Variants in C19orf18 observed in about 807,000 individuals in gnomAD.
The protein encoded by C19orf18 is chromosome 19 open reading frame 18, also known as uncharacterized protein C19orf18.
In C19orf18, 21 loss-of-function variants were observed where a neutral mutation model predicts 23.3. The ratio of observed to expected loss-of-function variants is 0.90; its 90% CI spans 0.64 to 1.30. The LOEUF is 1.30. C19orf18 is among the 50% of genes most tolerant of loss of function. The pLI, the probability that C19orf18 is intolerant of heterozygous loss-of-function variation, is 0.00. For missense variants in C19orf18, 249 were observed against 259.6 expected, an observed-to-expected ratio of 0.96 and a Z score of 0.28; for synonymous variants, 96 against 95.2, an observed-to-expected ratio of 1.01 and a Z score of -0.05.
At chr19:57,966,910 A>C (rs749213298) in intron 3 of C19orf18, among the ~76,000 whole-genome samples, 1 of 152,114 alleles carries the variant, frequency 6.6e-6, no homozygotes, top group Non-Finnish European at 1.5e-5. Flanking sequence ...AGCTGGCACT[A>C]CAGGCATGCG....
chr19:57,960,522 G>A (rs1010098826), intron 5 of C19orf18, among the ~76,000 whole-genome samples: 2 of 152,048 alleles, frequency 1.3e-5, no homozygotes, highest in African/African-American at 2.4e-5. Context: ...TCTGTGGTGG[G>A]CATGGCATGC....
At chr19:57,959,125 A>G (rs1378763902) in intron 5 of C19orf18, among the ~76,000 whole-genome samples, 3 of 152,150 alleles carry the variant, frequency 2.0e-5, no homozygotes, top group Non-Finnish European at 2.9e-5. Flanking sequence ...GATGGTTAGT[A>G]TGTCTGAATC....
Position 57,958,581 on chromosome 19 carries a change from C to T in C19orf18, c.*21G>A, listed in dbSNP as rs376854427. On this transcript the variant is annotated 3_prime_UTR_variant, in exon 6 of 6. Transcript: ENST00000314391. ...CCCATAGTTTCTCCTCTGCCTCAGC[C>T]GGCACCTCTGTCGTCTGCGTTCACA... is the stretch of plus-strand genomic sequence containing the variant. The T allele has an allele frequency of 3.3e-6, 5 of 1,511,582 alleles. No individual in the cohort carries two copies. In the South Asian group the frequency reaches 3.6e-5, roughly 11 times the overall value. The allele number at this position is 1,511,582 out of a possible 1,614,324, so 93.6% of individuals were successfully genotyped here. A position where few individuals can be genotyped will look rare whatever the true frequency, so the allele number is the denominator to read the frequency against.
chr19:57,962,062 TTC>T (rs2072877247), intron 4 of C19orf18, among the ~76,000 whole-genome samples: 1 of 151,522 alleles, frequency 6.6e-6, no homozygotes, highest in African/African-American at 2.4e-5. Flanking sequence ...CAGGGTCTCA[TTC>T]TGTCACCCAG....
chr19:57,963,249 G>C (rs770852749), intron 4 of C19orf18, among the ~76,000 whole-genome samples: 4 of 151,698 alleles, frequency 2.6e-5, no homozygotes, highest in Non-Finnish European at 5.9e-5. Context: ...GGCTGGTCTC[G>C]AACTCCCAAC....
intron 2 of C19orf18, 97 bp from the exon 3 acceptor site, chr19:57,972,601 C>A: frequency 7.6e-7 from 1 of 1,320,382 alleles, no homozygotes; most frequent in Non-Finnish European, 1.1e-6. Context: ...TAGAGAAGGA[C>A]GCCGAACACA....
chr19:57,970,239 G>A (rs752429771), intron 3 of C19orf18, among the ~76,000 whole-genome samples: 1 of 152,170 alleles, frequency 6.6e-6, no homozygotes, highest in Non-Finnish European at 1.5e-5. Flanking sequence ...TGCCAGCTGT[G>A]AGAGCCCCCT....
chr19:57,963,259 C>T (rs1391241564), intron 4 of C19orf18, among the ~76,000 whole-genome samples: 1 of 151,892 alleles, frequency 6.6e-6, no homozygotes, highest in Non-Finnish European at 1.5e-5. Flanking sequence ...GAACTCCCAA[C>T]CTCAGGTGAC....
chr19:57,969,672 C>T (rs1228108956), intron 3 of C19orf18, among the ~76,000 whole-genome samples: 3 of 147,974 alleles, frequency 2.0e-5, no homozygotes, highest in Non-Finnish European at 4.5e-5. Flanking sequence ...TTTGGGAGGC[C>T]GAGCCGGGTG....
At chr19:57,973,976 T>C in intron 2 of C19orf18, 123 bp downstream of exon 2, 2 of 904,388 alleles carry the variant, frequency 2.2e-6, no homozygotes, top group South Asian at 3.4e-5. Context: ...CAAATGTTTA[T>C]CTAATTATAC....
chr19:57,958,735 T>C lies in C19orf18; in HGVS notation c.533-18A>G. 7.3e-7 allele frequency: 1 copy of C among 1,376,738 alleles called. No individual in the cohort carries two copies. Among genetic ancestry groups the C allele is most frequent in the Non-Finnish European group, 1.0e-6 (1 of 991,588 alleles). The allele number at this position is 1,376,738 out of a possible 1,614,324, so 85.3% of individuals were successfully genotyped here. ...TATAATAACTAAAATGTAGAAATGA[T>C]GTTATTGAGATAGTAATAAGTGAGG... On this transcript the variant is annotated intron_variant, in intron 5 of 5. Transcript: ENST00000314391.
At position 57,974,039 on chromosome 19, in the gene C19orf18, A is replaced by G. The variant is rs2072965576; in HGVS notation, c.226+60T>C. On this transcript the variant is annotated intron_variant, in intron 2 of 5. Coordinates refer to ENST00000314391, the MANE Select transcript of C19orf18 (RefSeq NM_152474.5). ...AGCACACAGTACACATTCACATGGCAGATAAGAGGACTCCAGGCTACGATT... is the reference window on the plus strand; with the variant it reads ...AGCACACAGTACACATTCACATGGCGGATAAGAGGACTCCAGGCTACGATT... 3 of 1,505,032 alleles carry G rather than the reference A, an allele frequency of 2.0e-6. No homozygotes were observed. The Admixed American group carries it at 5.1e-5, about 26-fold the overall frequency. The allele number at this position is 1,505,032 out of a possible 1,614,324, so 93.2% of individuals were successfully genotyped here.
At chr19:57,971,788 C>T (rs2072946163) in intron 3 of C19orf18, among the ~76,000 whole-genome samples, 1 of 152,104 alleles carries the variant, frequency 6.6e-6, no homozygotes, top group Admixed American at 6.5e-5. Flanking sequence ...AAGGCTTTTG[C>T]TCACACTTTC....
In C19orf18 at chr19:57,961,569, T is replaced by A; in HGVS notation, c.372-18A>T. On this transcript the variant is annotated intron_variant, in intron 4 of 5. Transcript: ENST00000314391. ...CCAGTCGACTGGAGAATGATATAAA[T>A]GAATTTAGAAGCACAGTTTTCATGA... The A allele has an allele frequency of 6.3e-7, 1 of 1,593,634 alleles. No individual in the cohort carries two copies. The highest frequency in any genetic ancestry group is 8.5e-7 in the Non-Finnish European group (1 of 1,174,466).
intron 3 of C19orf18, among the ~76,000 whole-genome samples, chr19:57,972,064 G>A (rs1341387982): frequency 2.0e-5 from 3 of 152,204 alleles, no homozygotes; most frequent in African/African-American, 2.4e-5. Context: ...TGGGGCGGGA[G>A]CAGCAGCAGG....
intron 5 of C19orf18, among the ~76,000 whole-genome samples, chr19:57,960,294 C>T (rs1297547510): frequency 1.5e-4 from 22 of 143,624 alleles, no homozygotes; most frequent in African/African-American, 1.0e-4. Flanking sequence ...GGTGTGGTGG[C>T]GGGTGCCTAT....
intron 4 of C19orf18, among the ~76,000 whole-genome samples, chr19:57,962,484 T>C (rs1295953219): frequency 6.6e-6 from 1 of 152,208 alleles, no homozygotes; most frequent in Non-Finnish European, 1.5e-5. Flanking sequence ...CAGCTATTTC[T>C]GTTTGGTGTG....
chr19:57,971,325 T>A (rs941081502), intron 3 of C19orf18, among the ~76,000 whole-genome samples: 1 of 151,976 alleles, frequency 6.6e-6, no homozygotes, highest in African/African-American at 2.4e-5. Context: ...GGAGCCCTCA[T>A]GCTCCAGGCC....
chr19:57,970,586 ATT>A (rs879729462), intron 3 of C19orf18, among the ~76,000 whole-genome samples: 3 of 145,934 alleles, frequency 2.1e-5, no homozygotes, highest in Non-Finnish European at 4.5e-5. Flanking sequence ...TTTCCATATA[ATT>A]TTTTTTTTTT....
Sources: allele counts gnomAD v4.1 joint callset (sites outside exome capture counted in the v4.1 genomes callset), GRCh38; gene constraint gnomAD v4.1.1; transcripts MANE v1.5; gene names NCBI Gene and HGNC (gene_info 2026-07-23, HGNC 2026-07-21).